The following CCDC15 variants were observed in gnomAD, a reference collection of about 807,000 sequenced individuals.
CCDC15 encodes coiled-coil domain-containing protein 15.
In CCDC15, 105 loss-of-function variants were observed where a neutral mutation model predicts 114.5. That is an observed-to-expected ratio of 0.92 (90% CI 0.78 to 1.08). The LOEUF (loss-of-function observed/expected upper bound fraction) is 1.08. Ranked by LOEUF, CCDC15 falls within the 50% of genes least tolerant of loss-of-function variation. CCDC15 has a pLI of 0.00. For synonymous variants in CCDC15, 334 were observed against 377.8 expected (o/e 0.88, Z 1.34); for missense variants, 1,105 against 1,093.6 (o/e 1.01, Z -0.15).
chr11:125,011,267 C>T (rs1948591484), intron 13 of CCDC15, among the ~76,000 whole-genome samples: 2 of 140,930 alleles, frequency 1.4e-5, no homozygotes, highest in South Asian at 2.2e-4. Flanking sequence ...GATGGAGTTT[C>T]ACTCTTGTCG....
chr11:125,023,729 G>A (rs879324163), intron 13 of CCDC15, among the ~76,000 whole-genome samples: 20 of 151,870 alleles, frequency 1.3e-4, no homozygotes, highest in African/African-American at 4.4e-4. Flanking sequence ...TTGGAAACTC[G>A]CACCCCAAAT....
chr11:124,966,193 C>A (rs1383505540), intron 4 of CCDC15, among the ~76,000 whole-genome samples: 1 of 152,156 alleles, frequency 6.6e-6, no homozygotes, highest in Non-Finnish European at 1.5e-5. Flanking sequence ...TCCTGTATAT[C>A]CTTGTTAACC....
At chr11:125,008,561 G>A (rs543705549) in intron 13 of CCDC15, among the ~76,000 whole-genome samples, 1 of 152,088 alleles carries the variant, frequency 6.6e-6, no homozygotes, top group South Asian at 2.1e-4. Context: ...GTTAATGAGA[G>A]GGTACATCTT....
chr11:125,038,860 G>A (rs772639265), intron 14 of CCDC15, 61 bp from the exon 15 acceptor site: 12 of 1,536,188 alleles, frequency 7.8e-6, no homozygotes, highest in Non-Finnish European at 9.8e-6. Context: ...TGTAAAATCA[G>A]GATTCATACT....
chr11:125,017,448 AGTGAT>A, intron 13 of CCDC15, among the ~76,000 whole-genome samples: 1 of 152,254 alleles, frequency 6.6e-6, no homozygotes, highest in East Asian at 1.9e-4. Context: ...CCTATCACCT[AGTGAT>A]GTAGCATTGT....
At chr11:125,004,519 G>A (rs1301119480) in intron 12 of CCDC15, among the ~76,000 whole-genome samples, 1 of 151,946 alleles carries the variant, frequency 6.6e-6, no homozygotes, top group Non-Finnish European at 1.5e-5. Context: ...CACTACTTTG[G>A]TATATACATA....
intron 6 of CCDC15, among the ~76,000 whole-genome samples, chr11:124,985,920 T>C (rs1948150072): frequency 1.3e-5 from 2 of 152,218 alleles, no homozygotes; most frequent in Admixed American, 1.3e-4. Flanking sequence ...AATTATCTAA[T>C]AATAATTGTT....
chr11:124,994,012 T>C (rs1948316507), intron 11 of CCDC15, among the ~76,000 whole-genome samples: 1 of 152,248 alleles, frequency 6.6e-6, no homozygotes. Flanking sequence ...AGAAGTATAA[T>C]GTCTGCTTTT....
chr11:124,955,619 C>A (rs757818638), intron 2 of CCDC15, among the ~76,000 whole-genome samples: 3 of 152,130 alleles, frequency 2.0e-5, no homozygotes, highest in Non-Finnish European at 4.4e-5. Context: ...TATAGACACT[C>A]ATGAAGTATT....
At chr11:124,986,696 T>TGCGCGC (rs1384776898) in intron 6 of CCDC15, 46 bp from the exon 7 acceptor site, 1 of 1,440,838 alleles carries the variant, frequency 6.9e-7, no homozygotes, top group African/African-American at 1.6e-5. Context: ...TGTGTTTGTG[T>TGCGCGC]GTGTGCGCGC....
intron 13 of CCDC15, among the ~76,000 whole-genome samples, chr11:125,036,513 A>T (rs1047041064): frequency 5.6e-4 from 85 of 151,984 alleles, no homozygotes; most frequent in African/African-American, 7.0e-4. Flanking sequence ...ATCTTTCTCT[A>T]GGTTTGGGAA....
At chr11:125,031,859 G>A (rs938086013) in intron 13 of CCDC15, among the ~76,000 whole-genome samples, 3 of 152,116 alleles carry the variant, frequency 2.0e-5, no homozygotes, top group African/African-American at 7.2e-5. Flanking sequence ...CAGGTCACTC[G>A]ATAAATAGTC....
chr11:125,003,726 C>G (rs771506175), intron 11 of CCDC15, 141 bp from the exon 12 acceptor site: 1 of 549,926 alleles, frequency 1.8e-6, no homozygotes, highest in Non-Finnish European at 3.2e-6. Flanking sequence ...TGATTTTATT[C>G]TTTATATTCA....
chr11:124,987,761 G>C lies in CCDC15; in HGVS notation c.1535G>C (p.Arg512Thr), dbSNP rs1160696135. ...FLPKDQNFLSRDQHVLPKDQN... is the reference protein window; with the variant it reads ...FLPKDQNFLSTDQHVLPKDQN... Reference sequence around the variant, plus strand: ...CCTAAGGACCAGAATTTTTTGTCTAGAGACCAGCATGTTCTCCCCAAAGAC... The same window carrying C: ...CCTAAGGACCAGAATTTTTTGTCTACAGACCAGCATGTTCTCCCCAAAGAC... The change falls in exon 8 of 16, where the codon AGA (arginine) becomes ACA (threonine). Residue 512 changes from arginine to threonine, a missense_variant. Transcript: ENST00000344762. 1.2e-6 allele frequency: 2 copies of C among 1,613,728 alleles called. No homozygotes were observed. Among genetic ancestry groups the C allele is most frequent in the South Asian group, 2.2e-5 (2 of 91,064 alleles).
chr11:124,986,239 G>A (rs1160494670), intron 6 of CCDC15, among the ~76,000 whole-genome samples: 1 of 152,140 alleles, frequency 6.6e-6, no homozygotes, highest in Non-Finnish European at 1.5e-5. Context: ...ACAATGTCTT[G>A]ATTCCTATAA....
chr11:125,024,449 C>G (rs1404287037), intron 13 of CCDC15, among the ~76,000 whole-genome samples: 1 of 151,868 alleles, frequency 6.6e-6, no homozygotes, highest in Non-Finnish European at 1.5e-5. Context: ...ATCTGCTGAC[C>G]CATTAACATT....
rs1031576047 is a variant in CCDC15, at chr11:124,977,499, G to A, written c.652G>A (p.Ala218Thr). Residue 218 changes from alanine (A) to threonine (T), a missense_variant, in exon 6 of 16, where the codon GCA becomes ACA. By Grantham distance (58) the Ala-to-Thr change is moderately conservative. Coordinates refer to ENST00000344762, the MANE Select transcript of CCDC15 (RefSeq NM_025004.3). ...TREEVLSRKP[A>T]STGINTGIRG... ...CCAGGAAGTGCTTTCCAGGAAACCA[G>A]CATCCACTGGGATAAATACAGGAAT... 5.6e-6 allele frequency: 9 copies of A among 1,597,276 alleles called. No individual in the cohort carries two copies. In the African/African-American group the frequency reaches 1.2e-4, roughly 22 times the overall value.
At chr11:125,005,013 C>A in intron 12 of CCDC15, 96 bp from the exon 13 acceptor site, 1 of 552,240 alleles carries the variant, frequency 1.8e-6, no homozygotes, top group Non-Finnish European at 3.2e-6. Context: ...TTTCTGTTTG[C>A]TTGCATTTGT....
chr11:124,982,075 GT>G (rs903527282), intron 6 of CCDC15, among the ~76,000 whole-genome samples: 7 of 152,092 alleles, frequency 4.6e-5, no homozygotes, highest in African/African-American at 1.7e-4. Context: ...ATTGTTATTT[GT>G]TCAGAGTCTG....
Sources: allele counts gnomAD v4.1 joint callset (sites outside exome capture counted in the v4.1 genomes callset), GRCh38; gene constraint gnomAD v4.1.1; transcripts MANE v1.5; gene names NCBI Gene and HGNC (gene_info 2026-07-23, HGNC 2026-07-21).